The following MYO6 variants were observed in gnomAD, a reference collection of about 807,000 sequenced individuals.
MYO6 encodes unconventional myosin-VI.
In MYO6, 74 loss-of-function variants were observed where a neutral mutation model predicts 178.7. That is an observed-to-expected ratio of 0.41 (90% CI 0.34 to 0.50). The LOEUF (loss-of-function observed/expected upper bound fraction) is 0.50. Ranked by LOEUF, MYO6 falls within the 20% of genes least tolerant of loss-of-function variation. MYO6 has a pLI of 0.09. For synonymous variants in MYO6, 477 were observed against 504.6 expected (o/e 0.95, Z 0.73); for missense variants, 1,330 against 1,547.4 (o/e 0.86, Z 2.36).
intron 12 of MYO6, among the ~76,000 whole-genome samples, chr6:75,856,628 T>C (rs1775739360): frequency 6.6e-6 from 1 of 152,110 alleles, no homozygotes; most frequent in East Asian, 1.9e-4. Context: ...TGTCTGTACC[T>C]GCAACATTTA....
intron 2 of MYO6, among the ~76,000 whole-genome samples, chr6:75,818,971 T>C (rs1771578256): frequency 6.6e-6 from 1 of 152,212 alleles, no homozygotes; most frequent in African/African-American, 2.4e-5. Flanking sequence ...AAATTGAGAG[T>C]GTATTTCCTA....
At chr6:75,813,569 C>G (rs767558709) in intron 1 of MYO6, among the ~76,000 whole-genome samples, 2 of 152,094 alleles carry the variant, frequency 1.3e-5, no homozygotes, top group Non-Finnish European at 2.9e-5. Context: ...CAAAGTCCCC[C>G]TTACTCTTCC....
chr6:75,896,118 A>AAT (rs1377827030), intron 29 of MYO6, among the ~76,000 whole-genome samples: 1 of 152,072 alleles, frequency 6.6e-6, no homozygotes, highest in Non-Finnish European at 1.5e-5. Flanking sequence ...AGGATTTTGG[A>AAT]ATATATATAA....
At chr6:75,893,997 G>A (rs1375692537) in intron 28 of MYO6, among the ~76,000 whole-genome samples, 1 of 152,150 alleles carries the variant, frequency 6.6e-6, no homozygotes, top group Admixed American at 6.5e-5. Context: ...GCTCTTAAAC[G>A]AACCAAACTC....
intron 18 of MYO6, 98 bp downstream of exon 18, chr6:75,867,203 C>G: frequency 9.8e-7 from 1 of 1,017,794 alleles, no homozygotes; most frequent in Middle Eastern, 3.2e-4. Context: ...AGAAATCTCA[C>G]AGTGAAGTTC....
intron 12 of MYO6, among the ~76,000 whole-genome samples, chr6:75,856,016 A>G (rs1775692930): frequency 6.6e-6 from 1 of 152,186 alleles, no homozygotes; most frequent in Admixed American, 6.5e-5. Flanking sequence ...CCTCTCAGAA[A>G]ATTGGCTATC....
intron 12 of MYO6, among the ~76,000 whole-genome samples, chr6:75,856,619 G>T (rs1053039406): frequency 6.6e-6 from 1 of 151,602 alleles, no homozygotes; most frequent in African/African-American, 2.4e-5. Context: ...ATGGCTCTGT[G>T]TCTGTACCTG....
intron 10 of MYO6, among the ~76,000 whole-genome samples, chr6:75,845,738 A>G (rs1774672362): frequency 6.6e-6 from 1 of 152,002 alleles, no homozygotes; most frequent in Non-Finnish European, 1.5e-5. Context: ...TAATCCCAGC[A>G]CTTTGGGAGG....
intron 9 of MYO6, among the ~76,000 whole-genome samples, chr6:75,843,898 A>AT (rs1467447825): frequency 2.0e-5 from 3 of 151,940 alleles, no homozygotes; most frequent in Non-Finnish European, 2.9e-5. Context: ...TTTTTATAAA[A>AT]TTTTTTTTGG....
chr6:75,890,257 A>C lies in MYO6; in HGVS notation c.2859A>C (p.Glu953Asp), dbSNP rs1249635121. 6.2e-7 allele frequency: 1 copy of C among 1,613,562 alleles called. No homozygotes were observed. The highest frequency in any genetic ancestry group is 8.5e-7 in the Non-Finnish European group (1 of 1,179,650). ...DEKRRRKEEE[E>D]RRMKLEMEAK... Reference sequence around the variant, plus strand: ...AACGTCGAAGAAAGGAAGAGGAGGAAAGGCGGATGTGAGGCATTTATATTA... The same window carrying C: ...AACGTCGAAGAAAGGAAGAGGAGGACAGGCGGATGTGAGGCATTTATATTA... The change falls in exon 26 of 35, where the codon GAA (glutamate) becomes GAC (aspartate). Residue 953 changes from glutamate to aspartate, a missense_variant. By Grantham distance (45) the Glu-to-Asp change is conservative. Around this residue, in one of 3 missense-constraint regions of MYO6, gnomAD observed 601 missense variants for 626.1 expected, o/e 0.96. Transcript: ENST00000369977.
intron 1 of MYO6, among the ~76,000 whole-genome samples, chr6:75,770,733 TCCCAAAGTGC>T (rs1765801716): frequency 6.6e-6 from 1 of 152,186 alleles, no homozygotes; most frequent in Non-Finnish European, 1.5e-5. Flanking sequence ...AGCCATGGCC[TCCCAAAGTGC>T]TGGGATTACA....
intron 18 of MYO6, among the ~76,000 whole-genome samples, chr6:75,869,794 A>G (rs1410236311): frequency 6.6e-6 from 1 of 152,184 alleles, no homozygotes. Context: ...AAGCATTTAA[A>G]AATAACTGAA....
In MYO6 at chr6:75,915,145, C is replaced by T. The variant is rs1803007; in HGVS notation, c.*133C>T. On this transcript the variant is annotated 3_prime_UTR_variant, in exon 35 of 35. Coordinates refer to ENST00000369977, the MANE Select transcript of MYO6 (RefSeq NM_004999.4). ...AGTGAACAGATTTTATTAATCACGG[C>T]TTTTGGTGAATTTGTTTAAGGTTAA... 6.4e-6 allele frequency: 6 copies of T among 942,162 alleles called. No individual in the cohort carries two copies. The African/African-American group carries it at 9.8e-5, about 15-fold the overall frequency. The allele number at this position is 942,162 out of a possible 1,614,324, so 58.4% of individuals were successfully genotyped here.
Position 75,841,288 on chromosome 6 carries a change from A to G in MYO6, c.726A>G (p.Glu242=), listed in dbSNP as rs1774199853. ...KSRICVQGKE[E]RNYHIFYRLC... is the part of the protein sequence containing the mutation. ...GGATCTGTGTTCAAGGCAAAGAGGA[A>G]AGAAATTATCATATCTTTTATAGGT... Residue 242 remains glutamate (E), a synonymous_variant, in exon 9 of 35, where the codon GAA becomes GAG. Transcript: ENST00000369977. 1.2e-6 allele frequency: 2 copies of G among 1,613,972 alleles called. No individual in the cohort carries two copies. Among genetic ancestry groups the G allele is most frequent in the Non-Finnish European group, 1.7e-6 (2 of 1,179,956 alleles).
intron 13 of MYO6, among the ~76,000 whole-genome samples, chr6:75,858,207 T>C (rs1176915515): frequency 6.6e-6 from 1 of 152,182 alleles, no homozygotes; most frequent in Non-Finnish European, 1.5e-5. Flanking sequence ...ATCCACAGCA[T>C]TTTTGATAAG....
intron 16 of MYO6, among the ~76,000 whole-genome samples, chr6:75,866,231 G>A (rs903040274): frequency 1.5e-4 from 23 of 150,508 alleles, no homozygotes; most frequent in Non-Finnish European, 3.1e-4. Flanking sequence ...CTTTTAAATT[G>A]TGTTTTTTTT....
chr6:75,812,916 G>A (rs1770836894), intron 1 of MYO6, among the ~76,000 whole-genome samples: 1 of 152,166 alleles, frequency 6.6e-6, no homozygotes, highest in Admixed American at 6.6e-5. Context: ...AAATGGGAGT[G>A]CAGTTATCTC....
intron 14 of MYO6, 43 bp from the exon 15 acceptor site, chr6:75,860,980 C>A: frequency 7.5e-7 from 1 of 1,340,774 alleles, no homozygotes; most frequent in Non-Finnish European, 1.1e-6. Context: ...TTCACTATTG[C>A]TCAGTATTGC....
intron 1 of MYO6, among the ~76,000 whole-genome samples, chr6:75,784,247 A>G (rs1199877332): frequency 3.3e-5 from 5 of 151,982 alleles, no homozygotes; most frequent in Admixed American, 6.6e-5. Flanking sequence ...CTGGGATTAC[A>G]GGTGTGAGCC....
Sources: gnomAD v4.1 joint callset for allele counts (sites outside exome capture counted in the v4.1 genomes callset) on GRCh38, gnomAD v4.1.1 for gene constraint, gnomAD v4.1.1 regional missense constraint, MANE v1.5 for transcripts, NCBI Gene and HGNC (gene_info 2026-07-23, HGNC 2026-07-21) for gene names.